ALDH1A2: variants seen among roughly 807,000 people sequenced by gnomAD.
ALDH1A2 encodes the protein retinal dehydrogenase 2.
A neutral mutation model predicts 60.3 loss-of-function variants in ALDH1A2; 27 were observed. That is an observed-to-expected ratio of 0.45 (90% CI 0.33 to 0.62). The LOEUF (loss-of-function observed/expected upper bound fraction) is 0.62, where lower values mean the gene tolerates loss of function less well. ALDH1A2 is among the 20% of genes least tolerant of loss of function. The probability of loss-of-function intolerance (pLI) is 0.02; values close to 1 mark genes in which losing one functional copy is unlikely to be tolerated. For missense variants in ALDH1A2, 581 were observed against 643.8 expected, an observed-to-expected ratio of 0.90 and a Z score of 1.06; for synonymous variants, 289 against 232.4, an observed-to-expected ratio of 1.24 and a Z score of -2.21.
chr15:57,966,289 G>C (rs906954402), intron 7 of ALDH1A2, among the ~76,000 whole-genome samples: 1 of 152,160 alleles, frequency 6.6e-6, no homozygotes, highest in Admixed American at 6.5e-5. Flanking sequence ...GCTCCAAAGA[G>C]ACTATCAATA....
chr15:58,037,765 A>C (rs1566957067), intron 1 of ALDH1A2, among the ~76,000 whole-genome samples: 1 of 151,718 alleles, frequency 6.6e-6, no homozygotes. Context: ...TGTGTACTTA[A>C]GCCAAAAGGT....
intron 1 of ALDH1A2, among the ~76,000 whole-genome samples, chr15:58,060,007 C>G (rs1423751018): frequency 6.6e-6 from 1 of 152,212 alleles, no homozygotes. Context: ...ATTGCAACCT[C>G]TGCCTCCTGG....
At chr15:58,025,883 T>C (rs1896065983) in intron 1 of ALDH1A2, among the ~76,000 whole-genome samples, 1 of 152,180 alleles carries the variant, frequency 6.6e-6, no homozygotes, top group South Asian at 2.1e-4. Flanking sequence ...CTAGCTCTCA[T>C]GTGAACTCAC....
At chr15:58,024,469 A>T (rs1303054533) in intron 1 of ALDH1A2, among the ~76,000 whole-genome samples, 1 of 152,234 alleles carries the variant, frequency 6.6e-6, no homozygotes, top group Non-Finnish European at 1.5e-5. Context: ...TTTTAAGCCA[A>T]GAAGTTCATT....
chr15:58,019,908 T>G (rs1360921901), intron 1 of ALDH1A2, among the ~76,000 whole-genome samples: 1 of 152,202 alleles, frequency 6.6e-6, no homozygotes, highest in Non-Finnish European at 1.5e-5. Flanking sequence ...GGTGGTTTGC[T>G]GCACCTATCA....
intron 7 of ALDH1A2, among the ~76,000 whole-genome samples, chr15:57,974,369 C>T (rs1450341519): frequency 1.4e-5 from 2 of 145,168 alleles, no homozygotes; most frequent in African/African-American, 2.6e-5. Context: ...GGAGGCAGAG[C>T]TTGCAGTGAG....
At chr15:57,963,531 G>T (rs1332346659) in intron 9 of ALDH1A2, among the ~76,000 whole-genome samples, 1 of 151,656 alleles carries the variant, frequency 6.6e-6, no homozygotes, top group Non-Finnish European at 1.5e-5. Flanking sequence ...TTTTAGTAGA[G>T]ACAGGGTTTC....
chr15:58,053,739 A>G (rs1290642796), intron 1 of ALDH1A2, among the ~76,000 whole-genome samples: 1 of 152,172 alleles, frequency 6.6e-6, no homozygotes, highest in Non-Finnish European at 1.5e-5. Context: ...TGCTGTTTAC[A>G]AGACAGGATT....
At chr15:57,969,007 C>G (rs1893980443) in intron 7 of ALDH1A2, among the ~76,000 whole-genome samples, 1 of 149,374 alleles carries the variant, frequency 6.7e-6, no homozygotes, top group Non-Finnish European at 1.5e-5. Context: ...GTAAACACCA[C>G]AAGGCAAATC....
chr15:58,044,158 T>TA, intron 1 of ALDH1A2, among the ~76,000 whole-genome samples: 1 of 152,018 alleles, frequency 6.6e-6, no homozygotes, highest in East Asian at 1.9e-4. Flanking sequence ...GCTTCTTTTT[T>TA]ATTTAAGTTC....
At chr15:57,966,971 G>C (rs575143912) in intron 7 of ALDH1A2, among the ~76,000 whole-genome samples, 1 of 152,328 alleles carries the variant, frequency 6.6e-6, no homozygotes, top group South Asian at 2.1e-4. Flanking sequence ...AGGCAATTTG[G>C]TCTTGTTGAG....
At chr15:57,968,979 G>A (rs1230048709) in intron 7 of ALDH1A2, among the ~76,000 whole-genome samples, 1 of 146,060 alleles carries the variant, frequency 6.8e-6, no homozygotes, top group African/African-American at 2.5e-5. Flanking sequence ...AAATTTGTGC[G>A]CTGCACCCAC....
At chr15:58,002,138 C>T (rs772849710) in intron 4 of ALDH1A2, among the ~76,000 whole-genome samples, 7 of 151,800 alleles carry the variant, frequency 4.6e-5, no homozygotes, top group Non-Finnish European at 7.4e-5. Context: ...TAGTAGTTTA[C>T]AACTTATGGA....
intron 1 of ALDH1A2, among the ~76,000 whole-genome samples, chr15:58,022,375 T>C (rs1469678243): frequency 1.3e-5 from 2 of 152,120 alleles, no homozygotes; most frequent in Non-Finnish European, 2.9e-5. Flanking sequence ...GAGACTTGCC[T>C]GTCCAGCACA....
In ALDH1A2 at chr15:57,961,443, G is replaced by C. The variant is rs1294752303; in HGVS notation, c.1252-149C>G. The C allele has an allele frequency of 3.9e-6, 4 of 1,023,342 alleles. No homozygotes were observed. In the African/African-American group the frequency reaches 4.8e-5, roughly 12 times the overall value. The allele number at this position is 1,023,342 out of a possible 1,614,324, so 63.4% of individuals were successfully genotyped here. On this transcript the variant is annotated intron_variant, in intron 10 of 12. Coordinates refer to ENST00000249750, the MANE Select transcript of ALDH1A2 (RefSeq NM_003888.4). ...CTGTAAAATCTCCCAACCTTTCCTA[G>C]GATAAGATTATGCAAGAAGAGTCTG...
At chr15:58,015,523 T>C (rs1895766276) in intron 1 of ALDH1A2, among the ~76,000 whole-genome samples, 1 of 152,240 alleles carries the variant, frequency 6.6e-6, no homozygotes, top group Admixed American at 6.5e-5. Context: ...TTACAGTTTA[T>C]AATACACAGT....
At chr15:57,986,768 G>A (rs1346096270) in intron 7 of ALDH1A2, among the ~76,000 whole-genome samples, 1 of 151,992 alleles carries the variant, frequency 6.6e-6, no homozygotes, top group African/African-American at 2.4e-5. Context: ...TGCCTCCTGG[G>A]TTCAAGGAAT....
At chr15:57,984,546 T>C (rs1894632739) in intron 7 of ALDH1A2, among the ~76,000 whole-genome samples, 1 of 152,204 alleles carries the variant, frequency 6.6e-6, no homozygotes, top group South Asian at 2.1e-4. Context: ...TCCCAGTCCT[T>C]TGCAACCACT....
At chr15:58,040,488 A>T (rs1896490705) in intron 1 of ALDH1A2, among the ~76,000 whole-genome samples, 2 of 151,882 alleles carry the variant, frequency 1.3e-5, no homozygotes, top group African/African-American at 4.8e-5. Context: ...AACTTTCACC[A>T]TTTCATTTCA....
Sources: gnomAD v4.1 joint callset for allele counts (sites outside exome capture counted in the v4.1 genomes callset) on GRCh38, gnomAD v4.1.1 for gene constraint, MANE v1.5 for transcripts, NCBI Gene and HGNC (gene_info 2026-07-23, HGNC 2026-07-21) for gene names.